The following COBLL1 variants were observed in gnomAD, a reference collection of about 807,000 sequenced individuals.
COBLL1 encodes the protein cordon-bleu protein-like 1.
A neutral mutation model predicts 94.8 loss-of-function variants in COBLL1; 50 were observed. The observed-to-expected ratio is 0.53, with a 90% confidence interval of 0.42 to 0.67. The LOEUF (loss-of-function observed/expected upper bound fraction) is 0.67. Ranked by LOEUF, COBLL1 falls within the 30% of genes least tolerant of loss-of-function variation. The probability of loss-of-function intolerance (pLI) is 0.00; values close to 1 mark genes in which losing one functional copy is unlikely to be tolerated. For missense variants in COBLL1, 1,362 were observed against 1,348.7 expected (o/e 1.01, Z -0.15); for synonymous variants, 448 against 473.8 (o/e 0.95, Z 0.71).
intron 2 of COBLL1, among the ~76,000 whole-genome samples, chr2:164,790,619 T>C (rs1683141435): frequency 6.6e-6 from 1 of 152,160 alleles, no homozygotes; most frequent in Admixed American, 6.5e-5. Context: ...ACTGAGGACT[T>C]AACTGTATAC....
intron 2 of COBLL1, among the ~76,000 whole-genome samples, chr2:164,826,313 A>G (rs1264075090): frequency 6.6e-6 from 1 of 152,226 alleles, no homozygotes; most frequent in African/African-American, 2.4e-5. Flanking sequence ...CATCTGGCAC[A>G]AGAAGTTTCA....
chr2:164,800,016 G>A (rs1020961258), intron 2 of COBLL1, among the ~76,000 whole-genome samples: 1 of 152,044 alleles, frequency 6.6e-6, no homozygotes, highest in African/African-American at 2.4e-5. Context: ...TTCATGATCT[G>A]GATTTAGGCA....
intron 2 of COBLL1, among the ~76,000 whole-genome samples, chr2:164,752,341 C>G (rs1179649268): frequency 6.6e-6 from 1 of 152,144 alleles, no homozygotes; most frequent in Non-Finnish European, 1.5e-5. Flanking sequence ...GAAATTTAAA[C>G]CCAAGGTGTC....
intron 7 of COBLL1, among the ~76,000 whole-genome samples, chr2:164,719,883 C>T (rs17185987): frequency 0.019 from 2,941 of 151,720 alleles, 56 homozygotes; most frequent in Non-Finnish European, 0.032. Context: ...AGACCAAGAC[C>T]ATGGATTTAG....
At chr2:164,808,141 T>G (rs922728845) in intron 2 of COBLL1, among the ~76,000 whole-genome samples, 1 of 152,158 alleles carries the variant, frequency 6.6e-6, no homozygotes, top group Non-Finnish European at 1.5e-5. Context: ...TTAAATAATA[T>G]CTTTGGGTCC....
intron 2 of COBLL1, among the ~76,000 whole-genome samples, chr2:164,754,305 C>G (rs1283376223): frequency 6.6e-6 from 1 of 152,160 alleles, no homozygotes; most frequent in Non-Finnish European, 1.5e-5. Context: ...CTTGTGCAGT[C>G]TCCTCCCTTT....
chr2:164,840,289 G>A (rs530910359), intron 2 of COBLL1, among the ~76,000 whole-genome samples: 7 of 152,032 alleles, frequency 4.6e-5, no homozygotes, highest in Non-Finnish European at 1.0e-4. Flanking sequence ...CACTTATGCT[G>A]GGGGGAAAAA....
In COBLL1 at chr2:164,704,895, T is replaced by C. The variant is rs150600529; in HGVS notation, c.1150+57A>G. On this transcript the variant is annotated intron_variant, in intron 8 of 13. Coordinates refer to ENST00000652658, the MANE Select transcript of COBLL1 (RefSeq NM_001365672.2). ...ACTTACATACCCATATCTTTCCTAC[T>C]GTCCATATTAAACAAAACACAATAC... 4.0e-4 allele frequency: 581 copies of C among 1,452,634 alleles called. 3 individuals are homozygous for C. The African/African-American group carries it at 7.3e-3, about 18-fold the overall frequency. The allele number at this position is 1,452,634 out of a possible 1,614,324, so 90.0% of individuals were successfully genotyped here.
intron 2 of COBLL1, among the ~76,000 whole-genome samples, chr2:164,788,270 G>A (rs1479912687): frequency 6.6e-6 from 1 of 152,170 alleles, no homozygotes; most frequent in Non-Finnish European, 1.5e-5. Flanking sequence ...TTGACAATCA[G>A]AGAAAGAGAT....
chr2:164,789,282 G>A (rs1203294851), intron 2 of COBLL1, among the ~76,000 whole-genome samples: 3 of 151,792 alleles, frequency 2.0e-5, no homozygotes, highest in Admixed American at 2.0e-4. Flanking sequence ...GGTTAGAAGG[G>A]AGTTAGGTGG....
chr2:164,725,671 G>A (rs1451890794), intron 5 of COBLL1, among the ~76,000 whole-genome samples: 1 of 152,062 alleles, frequency 6.6e-6, no homozygotes, highest in Non-Finnish European at 1.5e-5. Flanking sequence ...TTCCCACCTT[G>A]ACCTCCCAAA....
Position 164,681,098 on chromosome 2 carries a change from C to T in COBLL1, c.*4848G>A, listed in dbSNP as rs1683021648. On this transcript the variant is annotated 3_prime_UTR_variant, in exon 14 of 14. Transcript: ENST00000652658. ...CGTTGTGGAACTGAACAGACTGAAT[C>T]AATTTATGATTAGGGTTAGAGTCAT... 1 of 152,132 alleles carries T rather than the reference C, an allele frequency of 6.6e-6. No individual in the cohort carries two copies. The highest frequency in any genetic ancestry group is 2.4e-5 in the African/African-American group (1 of 41,422). The allele number at this position is 152,132 out of a possible 1,614,324, so 9.4% of individuals were successfully genotyped here.
At chr2:164,719,772 T>C (rs1685354129) in intron 7 of COBLL1, among the ~76,000 whole-genome samples, 2 of 152,180 alleles carry the variant, frequency 1.3e-5, no homozygotes, top group Admixed American at 1.3e-4. Flanking sequence ...AGCTCAGACA[T>C]ACCTTTTGCA....
Position 164,841,755 on chromosome 2 carries a change from C to T in COBLL1, c.-96G>A. 5.6e-6 allele frequency: 3 copies of T among 537,270 alleles called. 1 individual carries two copies. Among genetic ancestry groups the T allele is most frequent in the South Asian group, 4.9e-5 (2 of 41,078 alleles). The allele number at this position is 537,270 out of a possible 1,614,324, so 33.3% of individuals were successfully genotyped here. Reference sequence around the variant, plus strand: ...GTAGCTCGCCTGTTCTCCCTCGCGGCTTCCTCTCCTACTCTTCCCTTCCCC... The same window carrying T: ...GTAGCTCGCCTGTTCTCCCTCGCGGTTTCCTCTCCTACTCTTCCCTTCCCC... On this transcript the variant is annotated 5_prime_UTR_variant, in exon 1 of 14. Transcript: ENST00000652658. The surrounding 1 kb of genome is among the most constrained non-coding windows in gnomAD (Gnocchi z 5.5).
In COBLL1 at chr2:164,841,368, G is replaced by C. The variant is rs1683605004; in HGVS notation, c.-50-122C>G. Reference sequence around the variant, plus strand: ...CAGCCCCGGCCGGCCCGCCTCCCGGGTGCGCTTCCACCTGCGGGCCCCGGC... The same window carrying C: ...CAGCCCCGGCCGGCCCGCCTCCCGGCTGCGCTTCCACCTGCGGGCCCCGGC... On this transcript the variant is annotated intron_variant, in intron 1 of 13. Coordinates refer to ENST00000652658, the MANE Select transcript of COBLL1 (RefSeq NM_001365672.2). The surrounding 1 kb of genome is among the most constrained non-coding windows in gnomAD (Gnocchi z 5.5). 1 of 1,186,544 alleles carries C rather than the reference G, an allele frequency of 8.4e-7. No homozygotes were observed. Among genetic ancestry groups the C allele is most frequent in the East Asian group, 3.7e-5 (1 of 27,242 alleles). 73.5% of individuals were successfully genotyped at this position (1,186,544 alleles called of 1,614,324 possible).
At position 164,774,277 on chromosome 2, in the gene COBLL1, C is replaced by T. The variant is rs887783522; in HGVS notation, c.42-30402G>A. Among the ~76,000 whole-genome samples the T allele has an allele frequency of 3.9e-5, 6 of 152,116 alleles. No homozygotes were observed. In the East Asian group the frequency reaches 7.7e-4, roughly 20 times the overall value. On this transcript the variant is annotated intron_variant, in intron 2 of 13. Coordinates refer to ENST00000652658, the MANE Select transcript of COBLL1 (RefSeq NM_001365672.2). ...TCCTGGCAGATGCCCTAAATTGTCTCCCAGTGGGCCCAGGGCAAACATCAT... is the reference window on the plus strand; with the variant it reads ...TCCTGGCAGATGCCCTAAATTGTCTTCCAGTGGGCCCAGGGCAAACATCAT...
chr2:164,769,191 G>A (rs1688081068), intron 2 of COBLL1, among the ~76,000 whole-genome samples: 1 of 152,056 alleles, frequency 6.6e-6, no homozygotes, highest in African/African-American at 2.4e-5. Flanking sequence ...TTAAAAGCAT[G>A]CGGGGTTAGA....
At chr2:164,831,563 C>T (rs1683078719) in intron 2 of COBLL1, among the ~76,000 whole-genome samples, 1 of 151,476 alleles carries the variant, frequency 6.6e-6, no homozygotes, top group Non-Finnish European at 1.5e-5. Flanking sequence ...AGTTAAAGCA[C>T]CTAGCTGCCA....
Position 164,705,061 on chromosome 2 carries a change from G to A in COBLL1, c.1041C>T (p.Leu347=), listed in dbSNP as rs375037094. 1.9e-5 allele frequency: 30 copies of A among 1,594,580 alleles called. No homozygotes were observed. The African/African-American group carries it at 3.4e-4, about 18-fold the overall frequency. The change falls in exon 8 of 14, where the codon CTC becomes CTT. Residue 347 remains leucine (L), a synonymous_variant. Transcript: ENST00000652658. ...ATGAATTCCCTGCAGACATGCTGCT[G>A]AGCTGCAGTGAACCTGCCCTCACTC... The part of the protein sequence containing the change: ...AGRVRAGSLQ[L]SSMSAGNSSL...
Sources: gnomAD v4.1 joint callset for allele counts (sites outside exome capture counted in the v4.1 genomes callset) on GRCh38, gnomAD v4.1.1 for gene constraint, Gnocchi (gnomAD v3.1) non-coding constraint, MANE v1.5 for transcripts, NCBI Gene and HGNC (gene_info 2026-07-23, HGNC 2026-07-21) for gene names.